The following NUP54 variants were observed in gnomAD, a reference collection of about 807,000 sequenced individuals.
The protein encoded by NUP54 is nucleoporin p54.
Under a neutral mutation model 66.4 loss-of-function variants are expected in NUP54, and 27 were observed. The ratio of observed to expected loss-of-function variants is 0.41; its 90% CI spans 0.30 to 0.56. NUP54 has a LOEUF of 0.56. NUP54 is among the 20% of genes least tolerant of loss of function. The pLI is 0.34. For missense variants in NUP54, 486 were observed against 596.3 expected (o/e 0.82, Z 1.93); for synonymous variants, 206 against 210.7 (o/e 0.98, Z 0.19).
intron 8 of NUP54, among the ~76,000 whole-genome samples, chr4:76,126,660 C>T (rs1196748520): frequency 8.7e-6 from 1 of 115,428 alleles, no homozygotes; most frequent in East Asian, 4.5e-4. Flanking sequence ...TCCAAGAAAG[C>T]CATCTAGGAA....
chr4:76,126,134 A>T (rs1268659967), intron 8 of NUP54, among the ~76,000 whole-genome samples: 2 of 152,144 alleles, frequency 1.3e-5, no homozygotes, highest in Non-Finnish European at 2.9e-5. Flanking sequence ...GTGCAGAGGA[A>T]AAGGAATGAT....
chr4:76,123,212 A>G (rs1352858792), intron 9 of NUP54, among the ~76,000 whole-genome samples: 1 of 152,240 alleles, frequency 6.6e-6, no homozygotes, highest in African/African-American at 2.4e-5. Context: ...ATGGTATGCA[A>G]ATTATCTTAA....
In NUP54 at chr4:76,114,896, C is replaced by G. The variant is rs1044991176; in HGVS notation, c.*470G>C. 1 of 152,226 alleles carries G rather than the reference C, an allele frequency of 6.6e-6. No homozygotes were observed. The highest frequency in any genetic ancestry group is 2.4e-5 in the African/African-American group (1 of 41,432). 9.4% of individuals were successfully genotyped at this position (152,226 alleles called of 1,614,324 possible). A position where few individuals can be genotyped will look rare whatever the true frequency, so the allele number is the denominator to read the frequency against. On this transcript the variant is annotated 3_prime_UTR_variant, in exon 12 of 12. Transcript: ENST00000264883. Reference sequence around the variant, plus strand: ...TTTTGGATTTTCTTTACTCCTCCCACAGATGAGTTCACAAATACAAAAACT... The same window carrying G: ...TTTTGGATTTTCTTTACTCCTCCCAGAGATGAGTTCACAAATACAAAAACT...
chr4:76,146,121 A>G (rs1296709949), intron 1 of NUP54: 1 of 452,234 alleles, frequency 2.2e-6, no homozygotes, highest in Non-Finnish European at 4.4e-6. Context: ...TGTTTTAGTA[A>G]TAGCAGATCT....
At position 76,144,220 on chromosome 4, in the gene NUP54, G is replaced by A; in HGVS notation, c.224C>T (p.Thr75Ile). ...TGFGTTTGTS[T>I]GLGTGLGTGL... ...AGTTCCCAAACCAGTACCTAAACCAGTACTAGTTCCCGTTGTTGTGCCAAA... is the reference window on the plus strand; with the variant it reads ...AGTTCCCAAACCAGTACCTAAACCAATACTAGTTCCCGTTGTTGTGCCAAA... The change falls in exon 3 of 12, where the codon ACT (threonine) becomes ATT (isoleucine). Residue 75 changes from threonine (T) to isoleucine (I), a missense_variant. Coordinates refer to ENST00000264883, the MANE Select transcript of NUP54 (RefSeq NM_017426.4). 7 of 1,613,596 alleles carry A rather than the reference G, an allele frequency of 4.3e-6. No homozygotes were observed. Among genetic ancestry groups the A allele is most frequent in the Non-Finnish European group, 5.9e-6 (7 of 1,179,680 alleles).
intron 8 of NUP54, among the ~76,000 whole-genome samples, chr4:76,125,069 T>C (rs1354657031): frequency 6.6e-6 from 1 of 151,738 alleles, no homozygotes; most frequent in East Asian, 1.9e-4. Flanking sequence ...GCAGGCAAAT[T>C]ACTTAAGGTC....
At chr4:76,122,345 C>T (rs1355468438) in intron 9 of NUP54, among the ~76,000 whole-genome samples, 1 of 152,068 alleles carries the variant, frequency 6.6e-6, no homozygotes, top group East Asian at 1.9e-4. Context: ...CTGGCAAATA[C>T]ATACAGTCGT....
intron 4 of NUP54, 63 bp from the exon 5 acceptor site, chr4:76,134,425 A>G (rs186612022): frequency 7.7e-7 from 1 of 1,300,966 alleles, no homozygotes. Context: ...GGTGTTTAAT[A>G]TTAATAGCTT....
At chr4:76,144,323 T>TA (rs33913434) in intron 2 of NUP54, 31 bp from the exon 3 acceptor site, 79,039 of 1,529,262 alleles carry the variant, frequency 0.052, 362 homozygotes, top group Middle Eastern at 0.11. Flanking sequence ...CTTCGTAAGT[T>TA]AAAAAAAAAA....
At chr4:76,128,119 A>G (rs539589810) in intron 8 of NUP54, among the ~76,000 whole-genome samples, 4 of 152,216 alleles carry the variant, frequency 2.6e-5, no homozygotes, top group Non-Finnish European at 4.4e-5. Flanking sequence ...TGCTAGTTAT[A>G]GTGGGAGGAG....
At chr4:76,148,161 C>A in intron 1 of NUP54, 147 bp downstream of exon 1, 1 of 626,658 alleles carries the variant, frequency 1.6e-6, no homozygotes, top group South Asian at 5.8e-5. Flanking sequence ...TCGGCCCACT[C>A]TGCCGCCGCC....
chr4:76,130,541 T>G (rs2109881419), intron 8 of NUP54, 115 bp downstream of exon 8: 1 of 687,866 alleles, frequency 1.5e-6, no homozygotes, highest in Non-Finnish European at 2.6e-6. Context: ...TTGCAGTGTA[T>G]GCTACATTGT....
rs145742101 is a variant in NUP54, at chr4:76,136,904, T to G, written c.296-492A>C. 4.0e-4 allele frequency among the ~76,000 whole-genome samples: 61 copies of G among 152,330 alleles called. 1 individual carries two copies. The East Asian group carries it at 9.6e-3, about 24-fold the overall frequency. On this transcript the variant is annotated intron_variant, in intron 3 of 11. Transcript: ENST00000264883. ...TATAAAATAATAAAATTTTATTGTC[T>G]TAAGCCACTAAGTTTGTGGTAATTT...
At chr4:76,147,805 G>T in intron 1 of NUP54, 1 of 396,968 alleles carries the variant, frequency 2.5e-6, no homozygotes, top group Non-Finnish European at 4.5e-6. Context: ...GTGGGGTGGG[G>T]CAGATGGAAG....
At chr4:76,147,315 T>C (rs912640221) in intron 1 of NUP54, among the ~76,000 whole-genome samples, 5 of 152,224 alleles carry the variant, frequency 3.3e-5, no homozygotes, top group African/African-American at 1.2e-4. Flanking sequence ...ACCACATCTT[T>C]TAAGGCAGTA....
intron 8 of NUP54, among the ~76,000 whole-genome samples, chr4:76,125,676 G>GA (rs1453232730): frequency 3.3e-5 from 1 of 30,050 alleles, no homozygotes; most frequent in Non-Finnish European, 6.5e-5. Flanking sequence ...GAGAGAGGGA[G>GA]AGAGGGAGAG....
chr4:76,121,325 G>C (rs1246057321), intron 9 of NUP54, among the ~76,000 whole-genome samples: 2 of 152,106 alleles, frequency 1.3e-5, no homozygotes, highest in African/African-American at 2.4e-5. Context: ...ACACTATATT[G>C]ATTCAATTAT....
chr4:76,136,298 A>C lies in NUP54; in HGVS notation c.410T>G (p.Ile137Ser), dbSNP rs201504038. Reference sequence around the variant, plus strand: ...CTGCAGTTGATTCCATTTTGCCAAAATAGCATCTCTCTCATCTCCCAACAG... The same window carrying C: ...CTGCAGTTGATTCCATTTTGCCAAACTAGCATCTCTCTCATCTCCCAACAG... ...PTLLGDERDA[I>S]LAKWNQLQAF... The change falls in exon 4 of 12, where the codon ATT becomes AGT. Residue 137 changes from isoleucine (I) to serine (S), a missense_variant. This residue lies in a region of NUP54 where 41 missense variants were observed against 82.7 expected (regional missense o/e 0.50). Coordinates refer to ENST00000264883, the MANE Select transcript of NUP54 (RefSeq NM_017426.4). The C allele has an allele frequency of 2.8e-5, 45 of 1,614,124 alleles. No individual in the cohort carries two copies. The African/African-American group carries it at 5.2e-4, about 19-fold the overall frequency.
At chr4:76,122,450 C>T (rs60885790) in intron 9 of NUP54, among the ~76,000 whole-genome samples, 1 of 152,194 alleles carries the variant, frequency 6.6e-6, no homozygotes, top group Admixed American at 6.5e-5. Context: ...CTGGCAACTA[C>T]TAATCTGTTA....
Sources: gnomAD v4.1 joint callset for allele counts (sites outside exome capture counted in the v4.1 genomes callset) on GRCh38, gnomAD v4.1.1 for gene constraint, gnomAD v4.1.1 regional missense constraint, MANE v1.5 for transcripts, NCBI Gene and HGNC (gene_info 2026-07-23, HGNC 2026-07-21) for gene names.